Variants in PKN2 observed in about 807,000 individuals in gnomAD.
PKN2 encodes the protein protein kinase N2, also known as serine/threonine-protein kinase N2.
PKN2 carries 38 observed loss-of-function variants against 119.1 expected under a neutral mutation model. The observed-to-expected ratio is 0.32, with a 90% confidence interval of 0.25 to 0.42. PKN2 has a LOEUF of 0.42. Ranked by LOEUF, PKN2 falls within the 10% of genes least tolerant of loss-of-function variation. PKN2 has a pLI of 1.00. For synonymous variants in PKN2, 390 were observed against 384.9 expected (o/e 1.01, Z -0.15); for missense variants, 850 against 1,165.1 (o/e 0.73, Z 3.94).
intron 4 of PKN2, among the ~76,000 whole-genome samples, 178 bp downstream of exon 4, chr1:88,770,647 G>A (rs557888641): frequency 2.7e-5 from 4 of 149,804 alleles, no homozygotes; most frequent in Non-Finnish European, 4.4e-5. Flanking sequence ...GTGCAGTGGC[G>A]GGATCTCGGC....
rs147485403 is a variant in PKN2, at chr1:88,767,293, A to G, written c.505-3059A>G. Among the ~76,000 whole-genome samples, 28 of 152,352 alleles carry G rather than the reference A, an allele frequency of 1.8e-4. No individual in the cohort carries two copies. The East Asian group carries it at 3.9e-3, about 21-fold the overall frequency. ...AACCTAAGGTTTTCAGAAAATAGGT[A>G]AATTGTCCAAGTTTATATATAATAA... On this transcript the variant is annotated intron_variant, in intron 3 of 21. Transcript: ENST00000370521.
rs61234342 is a variant in PKN2 at position 88,823,703 on chromosome 1, TAAAA to T, written c.2343-585_2343-582del. ...TGGGTGACAGAGTGAGACTCTGTCT[TAAAA>T]AAAAAAAAAAAAAAAAAAAAAGGCT... On this transcript the variant is annotated intron_variant, in intron 17 of 21. Coordinates refer to ENST00000370521, the MANE Select transcript of PKN2 (RefSeq NM_006256.4). Among the ~76,000 whole-genome samples, 556 of 65,770 alleles carry T rather than the reference TAAAA, an allele frequency of 8.5e-3. 3 individuals are homozygous for T. Among genetic ancestry groups the T allele is most frequent in the African/African-American group, 0.03 (529 of 17,932 alleles). 43.1% of individuals were successfully genotyped at this position (65,770 alleles called of 152,430 possible).
intron 16 of PKN2, among the ~76,000 whole-genome samples, chr1:88,815,667 T>G (rs906094857): frequency 6.6e-6 from 1 of 152,222 alleles, no homozygotes; most frequent in Admixed American, 6.5e-5. Flanking sequence ...AGTCTAACTT[T>G]AGACAAATTA....
In PKN2 at chr1:88,684,505, C is replaced by A. The variant is rs768100157; in HGVS notation, c.-76C>A. 7.6e-7 allele frequency: 1 copy of A among 1,314,818 alleles called. No individual in the cohort carries two copies. Among genetic ancestry groups the A allele is most frequent in the East Asian group, 2.7e-5 (1 of 36,674 alleles). 81.4% of individuals were successfully genotyped at this position (1,314,818 alleles called of 1,614,324 possible). A position where few individuals can be genotyped will look rare whatever the true frequency, so the allele number is the denominator to read the frequency against. On this transcript the variant is annotated 5_prime_UTR_variant, in exon 1 of 22. Transcript: ENST00000370521. ...TCTTTCTCTCCCCTCTCCTCACCCCCACCCCGAGCCCCGTCCCGCCTTCTC... is the reference window on the plus strand; with the variant it reads ...TCTTTCTCTCCCCTCTCCTCACCCCAACCCCGAGCCCCGTCCCGCCTTCTC...
chr1:88,719,888 G>GAT (rs914487911), intron 1 of PKN2, among the ~76,000 whole-genome samples: 2 of 152,122 alleles, frequency 1.3e-5, no homozygotes, highest in African/African-American at 4.8e-5. Flanking sequence ...CTGTGACTAA[G>GAT]ATATATATAA....
intron 8 of PKN2, 23 bp from the exon 9 acceptor site, chr1:88,804,364 CTTTA>C (rs766895106): frequency 2.6e-6 from 4 of 1,532,736 alleles, no homozygotes; most frequent in Non-Finnish European, 2.7e-6. Flanking sequence ...TTTCTGTTTT[CTTTA>C]TTATTTTTTT....
At chr1:88,775,313 T>C (rs952567974) in intron 6 of PKN2, among the ~76,000 whole-genome samples, 9 of 152,196 alleles carry the variant, frequency 5.9e-5, no homozygotes, top group Non-Finnish European at 1.3e-4. Flanking sequence ...ACTTCCTCCG[T>C]AGTTTTGCCT....
chr1:88,781,465 A>G (rs1354119549), intron 6 of PKN2, among the ~76,000 whole-genome samples: 1 of 152,134 alleles, frequency 6.6e-6, no homozygotes, highest in Admixed American at 6.5e-5. Context: ...AAATTTTTAA[A>G]GCATTTACTT....
chr1:88,783,794 C>T (rs1350256557), intron 6 of PKN2, among the ~76,000 whole-genome samples: 1 of 152,024 alleles, frequency 6.6e-6, no homozygotes, highest in African/African-American at 2.4e-5. Flanking sequence ...ATTTATTTGC[C>T]TAAATAAATT....
chr1:88,710,986 A>G (rs1667207140), intron 1 of PKN2, among the ~76,000 whole-genome samples: 2 of 152,192 alleles, frequency 1.3e-5, no homozygotes, highest in South Asian at 4.1e-4. Flanking sequence ...GAATGAGATT[A>G]TGTCTTCTGT....
Position 88,833,476 on chromosome 1 carries a change from A to T in PKN2, c.*28A>T. 1 of 1,581,016 alleles carries T rather than the reference A, an allele frequency of 6.3e-7. No homozygotes were observed. The highest frequency in any genetic ancestry group is 1.1e-5 in the South Asian group (1 of 90,190). On this transcript the variant is annotated 3_prime_UTR_variant, in exon 22 of 22. Coordinates refer to ENST00000370521, the MANE Select transcript of PKN2 (RefSeq NM_006256.4). ...TGCTAGACACTGCGAAACCAAGCTG[A>T]CTCACAAGAAGACCTCTTAAAAATA... is the stretch of plus-strand genomic sequence containing the variant.
Position 88,780,277 on chromosome 1 carries a change from CAT to C in PKN2, c.986-4359_986-4358del, listed in dbSNP as rs369811367. ...GCTATTAATTTGTTAGGAAAGCAAT[CAT>C]ATCCTATGTTTGGACCTAACTGTTT... On this transcript the variant is annotated intron_variant, in intron 6 of 21. Transcript: ENST00000370521. Among the ~76,000 whole-genome samples, 122 of 152,028 alleles carry C rather than the reference CAT, an allele frequency of 8.0e-4. 1 individual carries two copies. The East Asian group carries it at 0.021, about 26-fold the overall frequency.
chr1:88,833,027 A>G (rs772251139), intron 20 of PKN2, 50 bp from the exon 21 acceptor site: 2 of 1,489,762 alleles, frequency 1.3e-6, no homozygotes, highest in Non-Finnish European at 1.8e-6. Context: ...TTATCAGTGA[A>G]TTTTATTCTA....
In PKN2 at chr1:88,737,923, C is replaced by T. The variant is rs568279969; in HGVS notation, c.49-3065C>T. ...TGATCTTTTCTTAGTAATGCTAAAA[C>T]CAGATATGGTCATCTCTGATCTGGT... On this transcript the variant is annotated intron_variant, in intron 1 of 21. Transcript: ENST00000370521. Among the ~76,000 whole-genome samples, 8 of 152,276 alleles carry T rather than the reference C, an allele frequency of 5.3e-5. No homozygotes were observed. The South Asian group carries it at 1.7e-3, about 32-fold the overall frequency.
In PKN2 at chr1:88,771,870, G is replaced by C; in HGVS notation, c.976G>C (p.Ala326Pro). 6.2e-7 allele frequency: 1 copy of C among 1,608,168 alleles called. No homozygotes were observed. The highest frequency in any genetic ancestry group is 8.5e-7 in the Non-Finnish European group (1 of 1,174,834). ...ATATAGTACACTATCCAAACCAGCAGCACTAACAGGTATGTAGTGTATAGC... is the reference window on the plus strand; with the variant it reads ...ATATAGTACACTATCCAAACCAGCACCACTAACAGGTATGTAGTGTATAGC... Reference protein sequence around the residue: ...NQYSTLSKPAALTGTLEVRLM... With the variant: ...NQYSTLSKPAPLTGTLEVRLM... The change falls in exon 6 of 22, where the codon GCA becomes CCA. Residue 326 changes from alanine to proline, a missense_variant. This residue lies in a region of PKN2 where 350 missense variants were observed against 511.1 expected (regional missense o/e 0.68). Coordinates refer to ENST00000370521, the MANE Select transcript of PKN2 (RefSeq NM_006256.4).
At chr1:88,828,749 G>T in intron 19 of PKN2, 126 bp downstream of exon 19, 2 of 717,554 alleles carry the variant, frequency 2.8e-6, no homozygotes, top group Middle Eastern at 3.6e-4. Context: ...AATATTTATA[G>T]TATACTAGTA....
At chr1:88,831,502 C>G (rs997778218) in intron 19 of PKN2, among the ~76,000 whole-genome samples, 1 of 151,784 alleles carries the variant, frequency 6.6e-6, no homozygotes, top group East Asian at 1.9e-4. Flanking sequence ...CATTGTCCCA[C>G]GTAGTATATT....
At chr1:88,731,829 A>G (rs955477653) in intron 1 of PKN2, among the ~76,000 whole-genome samples, 9 of 152,202 alleles carry the variant, frequency 5.9e-5, no homozygotes, top group African/African-American at 2.2e-4. Flanking sequence ...CACGAGTGAC[A>G]GTCCATTTTC....
intron 1 of PKN2, among the ~76,000 whole-genome samples, chr1:88,688,526 TC>T (rs1009723704): frequency 4.6e-5 from 7 of 152,234 alleles, no homozygotes; most frequent in Admixed American, 1.3e-4. Flanking sequence ...GTTAGCTCCG[TC>T]TGTAACAAGG....
Sources: gnomAD v4.1 joint callset for allele counts (sites outside exome capture counted in the v4.1 genomes callset) on GRCh38, gnomAD v4.1.1 for gene constraint, gnomAD v4.1.1 regional missense constraint, MANE v1.5 for transcripts, NCBI Gene and HGNC (gene_info 2026-07-23, HGNC 2026-07-21) for gene names.